Variants in BAZ2B observed in about 807,000 individuals in gnomAD.
BAZ2B encodes bromodomain adjacent to zinc finger domain protein 2B.
Under a neutral mutation model 246.0 loss-of-function variants are expected in BAZ2B, and 91 were observed. The ratio of observed to expected loss-of-function variants is 0.37; its 90% confidence interval spans 0.31 to 0.44. The LOEUF is 0.44. Among genes scored for constraint, BAZ2B ranks in the 20% least tolerant of loss-of-function variants. The probability of loss-of-function intolerance (pLI) is 1.00; values close to 1 mark genes in which losing one functional copy is unlikely to be tolerated. For synonymous variants in BAZ2B, 855 were observed against 860.0 expected (o/e 0.99, Z 0.10); for missense variants, 2,332 against 2,533.7 (o/e 0.92, Z 1.71).
chr2:159,543,346 G>T (rs1225254021), intron 2 of BAZ2B, among the ~76,000 whole-genome samples: 1 of 152,006 alleles, frequency 6.6e-6, no homozygotes, highest in East Asian at 1.9e-4. Flanking sequence ...TAGGCTAAAT[G>T]TTCTATCACC....
chr2:159,534,845 G>T (rs898001148), intron 2 of BAZ2B, among the ~76,000 whole-genome samples: 2 of 152,094 alleles, frequency 1.3e-5, no homozygotes, highest in South Asian at 4.1e-4. Flanking sequence ...GACTTCAGGC[G>T]ATCCACCTGC....
chr2:159,488,754 T>C (rs2080122104), intron 2 of BAZ2B, among the ~76,000 whole-genome samples: 1 of 152,172 alleles, frequency 6.6e-6, no homozygotes, highest in Non-Finnish European at 1.5e-5. Context: ...TAGGAAAAAC[T>C]ACTGATCACA....
At chr2:159,437,280 G>A (rs977061602) in intron 8 of BAZ2B, 3 of 152,132 alleles carry the variant, frequency 2.0e-5, no homozygotes, top group Admixed American at 6.5e-5. Context: ...TTTAGTCTAT[G>A]TAGTAAAATC....
chr2:159,608,007 T>C (rs1693892444), intron 1 of BAZ2B, among the ~76,000 whole-genome samples: 1 of 152,220 alleles, frequency 6.6e-6, no homozygotes, highest in African/African-American at 2.4e-5. Context: ...CTGTGGTGGA[T>C]GTCACTGAGT....
chr2:159,532,349 G>A lies in BAZ2B; in HGVS notation c.-3+23474C>T, dbSNP rs139473746. On this transcript the variant is annotated intron_variant, in intron 2 of 36. Transcript: ENST00000392783. ...AGTAAAATCCTTGGCTATAATATCC[G>A]TACAAATGAAAATAAAGTCTTACAC... Among the ~76,000 whole-genome samples, 94 of 152,002 alleles carry A rather than the reference G, an allele frequency of 6.2e-4. 1 individual carries two copies. In the Middle Eastern group the frequency reaches 0.01, roughly 17 times the overall value.
chr2:159,462,702 T>C, intron 3 of BAZ2B: 1 of 1,366,184 alleles, frequency 7.3e-7, no homozygotes, highest in Non-Finnish European at 1.0e-6. Context: ...ACCTGGGCTG[T>C]AGGTGGTGTG....
rs1284923754 is a variant in BAZ2B at position 159,349,296 on chromosome 2, A to C, written c.4864-16T>G. 7 of 1,569,448 alleles carry C rather than the reference A, an allele frequency of 4.5e-6. No homozygotes were observed. Reference sequence around the variant, plus strand: ...CACCTTTCACCTGCAAAAAGAAAACATTTATTAATGAAAAGTAGATTACTC... The same window carrying C: ...CACCTTTCACCTGCAAAAAGAAAACCTTTATTAATGAAAAGTAGATTACTC... On this transcript the variant is annotated splice_polypyrimidine_tract_variant and intron_variant, in intron 28 of 36. Transcript: ENST00000392783.
chr2:159,382,134 A>C (rs1364523050), intron 25 of BAZ2B, among the ~76,000 whole-genome samples: 1 of 152,214 alleles, frequency 6.6e-6, no homozygotes, highest in African/African-American at 2.4e-5. Context: ...GATTAAAAAT[A>C]CCTAGAACTA....
intron 1 of BAZ2B, among the ~76,000 whole-genome samples, chr2:159,575,669 T>G (rs1030700511): frequency 1.3e-5 from 2 of 152,112 alleles, no homozygotes; most frequent in African/African-American, 2.4e-5. Flanking sequence ...CTTCTAAAAT[T>G]TGAAGAGTCA....
In BAZ2B at chr2:159,373,121, T is replaced by C; in HGVS notation, c.4137A>G (p.Gln1379=). 1 of 1,614,140 alleles carries C rather than the reference T, an allele frequency of 6.2e-7. No individual in the cohort carries two copies. Among genetic ancestry groups the C allele is most frequent in the Non-Finnish European group, 8.5e-7 (1 of 1,179,968 alleles). The part of the protein sequence containing the change: ...SHSLRSVMFG[Q]DRYRRRYWIL... ...TCCAGTACCGGCGTCTGTAACGATC[T>C]TGGCCAAACATCACTGAACGCAATG... Residue 1379 remains glutamine, a synonymous_variant, in exon 27 of 37, where the codon CAA becomes CAG. Transcript: ENST00000392783.
chr2:159,627,545 T>A, the BAZ2B span, among the ~76,000 whole-genome samples: 1 of 152,074 alleles, frequency 6.6e-6, no homozygotes, highest in Non-Finnish European at 1.5e-5. Flanking sequence ...ATCCATCACA[T>A]AAACAGAATC....
chr2:159,567,119 C>T (rs1300522663), intron 1 of BAZ2B, among the ~76,000 whole-genome samples: 5 of 151,852 alleles, frequency 3.3e-5, no homozygotes, highest in African/African-American at 4.8e-5. Context: ...GGTGTGCACC[C>T]GTAGTCCCAG....
Position 159,337,003 on chromosome 2 carries a change from AC to A in BAZ2B, c.5734del (p.Val1912Ter). The A allele has an allele frequency of 6.2e-7, 1 of 1,608,356 alleles. No homozygotes were observed. Among genetic ancestry groups the A allele is most frequent in the Non-Finnish European group, 8.5e-7 (1 of 1,174,784 alleles). Reference protein sequence around the residue: ...ALSEARSAAQVALCIQQLQKS... With the variant: ...ALSEARSAAQXALCIQQLQKS... ...CTGTAATTGCTGAATGCACAGAGCT[AC>A]CTGTGCAGCACTGCGAGCTTCTGAT... On this transcript the variant is annotated frameshift_variant, in exon 33 of 37. Coordinates refer to ENST00000392783, the MANE Select transcript of BAZ2B (RefSeq NM_013450.4). LOFTEE classifies it high-confidence loss of function.
intron 3 of BAZ2B, among the ~76,000 whole-genome samples, chr2:159,469,723 G>T (rs928814751): frequency 2.0e-5 from 3 of 152,070 alleles, no homozygotes; most frequent in African/African-American, 7.2e-5. Flanking sequence ...TTACAGGCAT[G>T]AGCCACCATG....
chr2:159,315,873 G>A (rs73967813), downstream of BAZ2B, among the ~76,000 whole-genome samples: 11,193 of 152,122 alleles, frequency 0.074, 966 homozygotes, highest in African/African-American at 0.21. Context: ...ATTTCTAGAG[G>A]AATTTGTAAG....
At chr2:159,388,479 G>A (rs1425163598) in intron 21 of BAZ2B, among the ~76,000 whole-genome samples, 2 of 152,088 alleles carry the variant, frequency 1.3e-5, no homozygotes, top group Admixed American at 1.3e-4. Context: ...TGGCTTTCAG[G>A]ATGATAAACA....
At chr2:159,613,260 G>C (rs1695079944) in intron 1 of BAZ2B, among the ~76,000 whole-genome samples, 1 of 151,998 alleles carries the variant, frequency 6.6e-6, no homozygotes, top group Admixed American at 6.6e-5. Flanking sequence ...GAAGAGTTTA[G>C]AAGTATTTTT....
chr2:159,574,784 G>A (rs910748416), intron 1 of BAZ2B, among the ~76,000 whole-genome samples: 4 of 151,840 alleles, frequency 2.6e-5, no homozygotes, highest in Non-Finnish European at 5.9e-5. Context: ...AAAAATTCGA[G>A]ATCAGCCTAA....
chr2:159,620,166 T>TA (rs1696373016), upstream of BAZ2B, among the ~76,000 whole-genome samples: 1 of 152,170 alleles, frequency 6.6e-6, no homozygotes, highest in Admixed American at 6.5e-5. Flanking sequence ...CTATGGGTAT[T>TA]GTAGATGGTT....
Sources: allele counts gnomAD v4.1 joint callset (sites outside exome capture counted in the v4.1 genomes callset), GRCh38; gene constraint gnomAD v4.1.1; transcripts MANE v1.5; gene names NCBI Gene and HGNC (gene_info 2026-07-23, HGNC 2026-07-21).